CCNH: variants seen among roughly 807,000 people sequenced by gnomAD.
The protein encoded by CCNH is cyclin-H.
Under a neutral mutation model 41.9 loss-of-function variants are expected in CCNH, and 31 were observed. That is an observed-to-expected ratio of 0.74 (90% CI 0.56 to 1.00). The LOEUF (loss-of-function observed/expected upper bound fraction) is 1.00, where lower values mean the gene tolerates loss of function less well. Among genes scored for constraint, CCNH ranks in the 50% least tolerant of loss-of-function variants. The probability of loss-of-function intolerance (pLI) is 0.00; values close to 1 mark genes in which losing one functional copy is unlikely to be tolerated. For missense variants in CCNH, 362 were observed against 388.4 expected (o/e 0.93, Z 0.57); for synonymous variants, 138 against 136.1 (o/e 1.01, Z -0.10).
downstream of CCNH, chr5:87,391,066 C>A: frequency 1.5e-6 from 1 of 687,802 alleles, no homozygotes; most frequent in Non-Finnish European, 2.6e-6. Context: ...ACCTTGTAAG[C>A]TATCTGTGCA....
chr5:87,394,579 T>TAA (rs1762770430), intron 8 of CCNH, 95 bp from the exon 9 acceptor site: 2 of 1,578,822 alleles, frequency 1.3e-6, no homozygotes, highest in Non-Finnish European at 1.7e-6. Flanking sequence ...CTCCTCCTTT[T>TAA]ACCCATGTGG....
intron 9 of CCNH, chr5:87,338,204 A>G: frequency 6.6e-7 from 1 of 1,510,886 alleles, no homozygotes; most frequent in Non-Finnish European, 9.0e-7. Context: ...AAAAGAACTT[A>G]ATTGATAAGT....
chr5:87,383,183 G>T (rs1028518969), intron 9 of CCNH, among the ~76,000 whole-genome samples: 1 of 152,226 alleles, frequency 6.6e-6, no homozygotes, highest in East Asian at 1.9e-4. Flanking sequence ...TTTTTCTCTA[G>T]TGCAATGGAT....
In CCNH at chr5:87,409,381, T is replaced by A. The variant is rs752064947; in HGVS notation, c.241-18A>T. 2 of 1,339,908 alleles carry A rather than the reference T, an allele frequency of 1.5e-6. No homozygotes were observed. Among genetic ancestry groups the A allele is most frequent in the Middle Eastern group, 2.0e-4 (1 of 5,102 alleles). 83.0% of individuals were successfully genotyped at this position (1,339,908 alleles called of 1,614,324 possible). A position where few individuals can be genotyped will look rare whatever the true frequency, so the allele number is the denominator to read the frequency against. ...GCCGTACCCTAAGGGTTAAAAAAAATATATCATCAGGATCTAGTCACAAAT... is the reference window on the plus strand; with the variant it reads ...GCCGTACCCTAAGGGTTAAAAAAAAAATATCATCAGGATCTAGTCACAAAT... On this transcript the variant is annotated intron_variant, in intron 2 of 8. Coordinates refer to ENST00000256897, the MANE Select transcript of CCNH (RefSeq NM_001239.4).
downstream of CCNH, chr5:87,389,341 A>T (rs1043797574): frequency 4.5e-6 from 7 of 1,554,984 alleles, no homozygotes; most frequent in Admixed American, 1.7e-5. Flanking sequence ...CAAAAAAAAC[A>T]AAAAAAAAGA....
downstream of CCNH, chr5:87,375,035 A>T (rs1761227201): frequency 1.5e-6 from 2 of 1,317,966 alleles, no homozygotes; most frequent in African/African-American, 3.0e-5. Flanking sequence ...GTATAATTTG[A>T]GATAGTTTCT....
At chr5:87,401,443 G>A (rs1397940669) in intron 6 of CCNH, among the ~76,000 whole-genome samples, 1 of 152,114 alleles carries the variant, frequency 6.6e-6, no homozygotes, top group African/African-American at 2.4e-5. Context: ...GGATCCTGTT[G>A]TCAATCTCTA....
chr5:87,376,909 T>C, exon 1 of CCNH: 6 of 1,609,900 alleles, frequency 3.7e-6, no homozygotes, highest in South Asian at 1.1e-5. Flanking sequence ...CTTCATGTAG[T>C]CTATGCTTTA....
chr5:87,385,930 A>G (rs1475067268), intron 9 of CCNH, among the ~76,000 whole-genome samples: 1 of 152,006 alleles, frequency 6.6e-6, no homozygotes, highest in African/African-American at 2.4e-5. Context: ...TATTGTTGTA[A>G]CATATATTCT....
chr5:87,398,826 A>G (rs1360814159), intron 7 of CCNH, among the ~76,000 whole-genome samples: 1 of 152,058 alleles, frequency 6.6e-6, no homozygotes, highest in African/African-American at 2.4e-5. Context: ...ACAAAAAATT[A>G]GCTGGGCGTG....
chr5:87,374,528 T>A (rs999258030), downstream of CCNH, among the ~76,000 whole-genome samples: 3 of 150,484 alleles, frequency 2.0e-5, no homozygotes, highest in Non-Finnish European at 4.4e-5. Flanking sequence ...GTTTTTCCAC[T>A]TAGTTATTAA....
At chr5:87,394,525 A>T in intron 8 of CCNH, 41 bp from the exon 9 acceptor site, 1 of 1,610,684 alleles carries the variant, frequency 6.2e-7, no homozygotes, top group South Asian at 1.1e-5. Flanking sequence ...ACACTGAAGC[A>T]TAACCAGTAT....
chr5:87,389,422 G>C, downstream of CCNH: 3 of 1,614,142 alleles, frequency 1.9e-6, no homozygotes, highest in Non-Finnish European at 2.5e-6. Context: ...ACACTACAGA[G>C]CATTCTAGAA....
Position 87,409,344 on chromosome 5 carries a change from A to C in CCNH, c.260T>G (p.Phe87Cys), listed in dbSNP as rs377066266. ...RSVVGTACMY[F>C]KRFYLNNSVM... ...TGAGTTATTAAGATAAAAACGTTTG[A>C]AATACATACAAGCCGTACCCTAAGG... Residue 87 changes from phenylalanine (F) to cysteine (C), a missense_variant, in exon 3 of 9, where the codon TTC becomes TGC. Physicochemically the swap from Phe to Cys is radical, Grantham distance 205 (BLOSUM62 -2). Coordinates refer to ENST00000256897, the MANE Select transcript of CCNH (RefSeq NM_001239.4). 6.4e-7 allele frequency: 1 copy of C among 1,569,344 alleles called. No homozygotes were observed. Among genetic ancestry groups the C allele is most frequent in the Non-Finnish European group, 8.8e-7 (1 of 1,140,740 alleles).
At chr5:87,333,802 T>A (rs1757764615) in intron 9 of CCNH, among the ~76,000 whole-genome samples, 2 of 152,218 alleles carry the variant, frequency 1.3e-5, no homozygotes, top group African/African-American at 2.4e-5. Context: ...TGTGTCTTTC[T>A]ATAAGCTATT....
At chr5:87,369,724 ATTAT>A (rs1760790390) in intron 9 of CCNH, 9 of 827,528 alleles carry the variant, frequency 1.1e-5, no homozygotes, top group Non-Finnish European at 1.8e-5. Context: ...TTTTATGTTA[ATTAT>A]TTATTGTGAG....
At chr5:87,367,581 C>A (rs1399019861) in intron 9 of CCNH, among the ~76,000 whole-genome samples, 1 of 152,164 alleles carries the variant, frequency 6.6e-6, no homozygotes, top group Non-Finnish European at 1.5e-5. Context: ...CTAAGCACTC[C>A]ATTTCCTTGT....
downstream of CCNH, chr5:87,389,326 T>TGTCTC (rs1762296158): frequency 6.3e-7 from 1 of 1,590,476 alleles, no homozygotes; most frequent in Non-Finnish European, 8.6e-7. Flanking sequence ...AGCGAAACTC[T>TGTCTC]GTCTCAAAAA....
intron 9 of CCNH, among the ~76,000 whole-genome samples, chr5:87,364,548 G>A (rs940565789): frequency 6.6e-6 from 1 of 151,976 alleles, no homozygotes; most frequent in African/African-American, 2.4e-5. Flanking sequence ...CTCATAAAGA[G>A]TTGTTCCAAA....
Sources: allele counts gnomAD v4.1 joint callset (sites outside exome capture counted in the v4.1 genomes callset), GRCh38; gene constraint gnomAD v4.1.1; transcripts MANE v1.5; gene names NCBI Gene and HGNC (gene_info 2026-07-23, HGNC 2026-07-21).